The following CSMD1 variants were observed in gnomAD, a reference collection of about 807,000 sequenced individuals.
CSMD1 encodes the protein CUB and Sushi multiple domains 1.
CSMD1 carries 213 observed loss-of-function variants against 417.5 expected under a neutral mutation model. That is an observed-to-expected ratio of 0.51 (90% CI 0.46 to 0.57). The LOEUF is 0.57. Ranked by LOEUF, CSMD1 falls within the 20% of genes least tolerant of loss-of-function variation. CSMD1 has a pLI of 0.00. For missense variants in CSMD1, 6,923 were observed against 4,529.7 expected (o/e 1.53, Z -15.17); for synonymous variants, 2,862 against 1,736.8 (o/e 1.65, Z -16.11).
At chr8:4,937,656 T>C (rs1299622856) in intron 1 of CSMD1, among the ~76,000 whole-genome samples, 1 of 152,116 alleles carries the variant, frequency 6.6e-6, no homozygotes, top group Non-Finnish European at 1.5e-5. Flanking sequence ...GCACATGAAT[T>C]ATTTCACCTC....
chr8:3,536,501 T>C (rs1022130604), intron 10 of CSMD1, among the ~76,000 whole-genome samples: 2 of 152,206 alleles, frequency 1.3e-5, no homozygotes, highest in African/African-American at 2.4e-5. Flanking sequence ...TTATGTTTTT[T>C]CCTCTCCAGG....
At chr8:4,528,551 A>C (rs1320622825) in intron 2 of CSMD1, among the ~76,000 whole-genome samples, 1 of 152,200 alleles carries the variant, frequency 6.6e-6, no homozygotes, top group Non-Finnish European at 1.5e-5. Flanking sequence ...ATTTGCTAAA[A>C]GGGTAGATCT....
At chr8:3,606,713 A>ATT (rs11335642) in intron 8 of CSMD1, among the ~76,000 whole-genome samples, 42 of 139,984 alleles carry the variant, frequency 3.0e-4, no homozygotes, top group East Asian at 1.4e-3. Context: ...CTTCGTTACA[A>ATT]TTTTTTTTTT....
chr8:4,673,837 T>A (rs1805503630), intron 1 of CSMD1, among the ~76,000 whole-genome samples: 1 of 151,734 alleles, frequency 6.6e-6, no homozygotes, highest in Admixed American at 6.6e-5. Flanking sequence ...AGCAATTGAG[T>A]GCTTGCCAGG....
chr8:3,133,279 G>T (rs1817894141), intron 41 of CSMD1, among the ~76,000 whole-genome samples: 1 of 152,192 alleles, frequency 6.6e-6, no homozygotes, highest in Admixed American at 6.5e-5. Context: ...TCCCCCGCCT[G>T]CTCTTTCTAT....
In CSMD1 at chr8:4,848,626, G is replaced by A. The variant is rs1290823845; in HGVS notation, c.85+145706C>T. Among the ~76,000 whole-genome samples the A allele has an allele frequency of 2.6e-5, 4 of 151,126 alleles. No individual in the cohort carries two copies. In the East Asian group the frequency reaches 7.8e-4, roughly 29 times the overall value. On this transcript the variant is annotated intron_variant, in intron 1 of 69. Transcript: ENST00000635120. ...ACCGTGTCGGCTCACTACAACCTCC[G>A]TCTTCTTGGTTCAAGCAATTATCCT... is the stretch of plus-strand genomic sequence containing the variant.
chr8:3,191,177 G>C (rs535557162), intron 33 of CSMD1, among the ~76,000 whole-genome samples: 5 of 152,300 alleles, frequency 3.3e-5, no homozygotes, highest in Non-Finnish European at 7.4e-5. Flanking sequence ...AGCCCCAGCC[G>C]GGTGCAGTGG....
intron 5 of CSMD1, among the ~76,000 whole-genome samples, chr8:3,994,780 A>G (rs773776357): frequency 3.9e-5 from 6 of 152,214 alleles, no homozygotes; most frequent in South Asian, 2.1e-4. Context: ...GACTTAAAAC[A>G]TAGCTCAGTG....
At chr8:4,824,301 T>C (rs1001916569) in intron 1 of CSMD1, among the ~76,000 whole-genome samples, 10 of 152,256 alleles carry the variant, frequency 6.6e-5, no homozygotes, top group Non-Finnish European at 5.9e-5. Context: ...TACGTATCAA[T>C]TGAAATAATA....
chr8:2,994,600 T>C (rs1422923501), intron 54 of CSMD1, among the ~76,000 whole-genome samples: 2 of 152,252 alleles, frequency 1.3e-5, no homozygotes, highest in Non-Finnish European at 2.9e-5. Context: ...ACAACTCATA[T>C]GTGGTAAATG....
intron 33 of CSMD1, 25 bp downstream of exon 33, chr8:3,199,689 T>C (rs775118908): frequency 6.6e-6 from 10 of 1,506,776 alleles, no homozygotes; most frequent in African/African-American, 1.4e-5. Context: ...CAGTGACATG[T>C]GGAGACATGT....
chr8:4,944,211 A>C (rs1021507285), intron 1 of CSMD1, among the ~76,000 whole-genome samples: 2 of 152,210 alleles, frequency 1.3e-5, no homozygotes, highest in Non-Finnish European at 2.9e-5. Context: ...AGTGTATGTA[A>C]TAATTAAAGA....
intron 3 of CSMD1, among the ~76,000 whole-genome samples, chr8:4,354,480 G>A (rs1028978125): frequency 6.6e-6 from 1 of 152,130 alleles, no homozygotes; most frequent in African/African-American, 2.4e-5. Flanking sequence ...ACATGGGGTG[G>A]AATGTCAGAG....
intron 1 of CSMD1, among the ~76,000 whole-genome samples, chr8:4,945,482 C>A (rs1225610225): frequency 1.4e-5 from 2 of 147,538 alleles, no homozygotes; most frequent in Non-Finnish European, 3.0e-5. Flanking sequence ...ATTACTTGAG[C>A]CCAAGAGTTT....
At chr8:3,357,056 G>A (rs935161787) in intron 21 of CSMD1, among the ~76,000 whole-genome samples, 1 of 152,080 alleles carries the variant, frequency 6.6e-6, no homozygotes, top group Non-Finnish European at 1.5e-5. Flanking sequence ...GGCTAGGAGG[G>A]TGGGGAGGAG....
At chr8:4,831,934 T>G (rs1800178267) in intron 1 of CSMD1, among the ~76,000 whole-genome samples, 1 of 152,054 alleles carries the variant, frequency 6.6e-6, no homozygotes, top group Admixed American at 6.6e-5. Flanking sequence ...GCTGGGACCT[T>G]CGAGATTTAA....
At chr8:3,838,662 TAATA>T (rs1294368405) in intron 5 of CSMD1, among the ~76,000 whole-genome samples, 3 of 115,344 alleles carry the variant, frequency 2.6e-5, no homozygotes, top group Non-Finnish European at 4.9e-5. Context: ...GTATAATATA[TAATA>T]AATTAATATT....
intron 6 of CSMD1, 60 bp from the exon 7 acceptor site, chr8:3,708,551 G>T: frequency 7.1e-7 from 1 of 1,411,124 alleles, no homozygotes; most frequent in Non-Finnish European, 1.0e-6. Flanking sequence ...AAACCATGTT[G>T]TATCCACACA....
chr8:4,644,179 A>T (rs1349330812), intron 1 of CSMD1, among the ~76,000 whole-genome samples: 1 of 152,160 alleles, frequency 6.6e-6, no homozygotes, highest in Non-Finnish European at 1.5e-5. Context: ...GTATCACTCC[A>T]AAAGGAAAAG....
Sources: gnomAD v4.1 joint callset for allele counts (sites outside exome capture counted in the v4.1 genomes callset) on GRCh38, gnomAD v4.1.1 for gene constraint, MANE v1.5 for transcripts, NCBI Gene and HGNC (gene_info 2026-07-23, HGNC 2026-07-21) for gene names.